The following UBE2L3 variants were observed in gnomAD, a reference collection of about 807,000 sequenced individuals.
The protein encoded by UBE2L3 is ubiquitin-conjugating enzyme E2 L3.
A neutral mutation model predicts 17.8 loss-of-function variants in UBE2L3; 1 was observed. The ratio of observed to expected loss-of-function variants is 0.06; its 90% confidence interval spans 0.02 to 0.27. The LOEUF (loss-of-function observed/expected upper bound fraction) is 0.27, where lower values mean the gene tolerates loss of function less well. Ranked by LOEUF, UBE2L3 falls within the 10% of genes least tolerant of loss-of-function variation. The pLI is 1.00. For missense variants in UBE2L3, 40 were observed against 192.6 expected, an observed-to-expected ratio of 0.21 and a Z score of 4.69; for synonymous variants, 44 against 68.5, an observed-to-expected ratio of 0.64 and a Z score of 1.76.
chr22:21,598,195 A>AGTGTGTGTGTGTGTGTG (rs1928656251), intron 2 of UBE2L3, among the ~76,000 whole-genome samples: 4 of 148,394 alleles, frequency 2.7e-5, no homozygotes, highest in African/African-American at 9.8e-5. Context: ...GGTTTCATTA[A>AGTGTGTGTGTGTGTGTG]TGTGTGTGTG....
In UBE2L3 at chr22:21,573,069, C is replaced by T. The variant is rs114201349; in HGVS notation, c.27+5298C>T. ...TGTGGTAGACACCTGCATCGAGCTCCTTAATGGTTCATCTAAACTCCTTAC... is the reference window on the plus strand; with the variant it reads ...TGTGGTAGACACCTGCATCGAGCTCTTTAATGGTTCATCTAAACTCCTTAC... On this transcript the variant is annotated intron_variant, in intron 1 of 3. Transcript: ENST00000342192. 3.0e-3 allele frequency among the ~76,000 whole-genome samples: 462 copies of T among 152,264 alleles called. 3 individuals are homozygous for T. Among genetic ancestry groups the T allele is most frequent in the African/African-American group, 0.01 (421 of 41,540 alleles).
At chr22:21,583,236 C>A (rs1927744696) in intron 1 of UBE2L3, among the ~76,000 whole-genome samples, 1 of 152,196 alleles carries the variant, frequency 6.6e-6, no homozygotes, top group Admixed American at 6.5e-5. Context: ...TCTTTCAAGG[C>A]CCATCTCAGA....
chr22:21,622,476 G>A lies in UBE2L3; in HGVS notation c.*807G>A, dbSNP rs1297165986. 1 of 152,814 alleles carries A rather than the reference G, an allele frequency of 6.5e-6. No homozygotes were observed. The highest frequency in any genetic ancestry group is 1.5e-5 in the Non-Finnish European group (1 of 68,074). The allele number at this position is 152,814 out of a possible 1,614,324, so 9.5% of individuals were successfully genotyped here. A position where few individuals can be genotyped will look rare whatever the true frequency, so the allele number is the denominator to read the frequency against. On this transcript the variant is annotated 3_prime_UTR_variant, in exon 4 of 4. Coordinates refer to ENST00000342192, the MANE Select transcript of UBE2L3 (RefSeq NM_003347.4). Reference sequence around the variant, plus strand: ...TGTGTGTGATGAATCTCGCCAGAAAGGCTCCTGAGGTCCCAGGTTGGCACT... The same window carrying A: ...TGTGTGTGATGAATCTCGCCAGAAAAGCTCCTGAGGTCCCAGGTTGGCACT...
chr22:21,594,481 G>A (rs2148424263), intron 2 of UBE2L3, among the ~76,000 whole-genome samples: 1 of 149,612 alleles, frequency 6.7e-6, no homozygotes, highest in Non-Finnish European at 1.5e-5. Flanking sequence ...TCCTGTAGAT[G>A]CTTTCTTCTT....
At chr22:21,566,738 C>T (rs921573956), upstream of UBE2L3, among the ~76,000 whole-genome samples, 3 of 152,084 alleles carry the variant, frequency 2.0e-5, no homozygotes, top group African/African-American at 7.2e-5. Context: ...TCCTTTTACT[C>T]CATTCTGGAC....
Position 21,582,343 on chromosome 22 carries a change from G to GT in UBE2L3, c.28-10509dup, listed in dbSNP as rs965100126. Among the ~76,000 whole-genome samples the GT allele has an allele frequency of 2.9e-4, 43 of 147,890 alleles. No individual in the cohort carries two copies. The East Asian group carries it at 4.4e-3, about 15-fold the overall frequency. On this transcript the variant is annotated intron_variant, in intron 1 of 3. Coordinates refer to ENST00000342192, the MANE Select transcript of UBE2L3 (RefSeq NM_003347.4). ...AAACTGGGTGGTATGAATGTGGTGG[G>GT]TTTTTTTTTGTTGTTGTTTTTTTTT... is the stretch of plus-strand genomic sequence containing the variant.
At chr22:21,618,774 T>C (rs1929909593) in intron 3 of UBE2L3, among the ~76,000 whole-genome samples, 1 of 152,068 alleles carries the variant, frequency 6.6e-6, no homozygotes, top group Non-Finnish European at 1.5e-5. Flanking sequence ...TTATTTTTTG[T>C]AGAGGCCAGG....
At chr22:21,607,371 C>G (rs189886615) in intron 2 of UBE2L3, among the ~76,000 whole-genome samples, 1 of 151,106 alleles carries the variant, frequency 6.6e-6, no homozygotes, top group Non-Finnish European at 1.5e-5. Flanking sequence ...AAAAATTAGT[C>G]GGGCAGGGTA....
upstream of UBE2L3, among the ~76,000 whole-genome samples, chr22:21,566,962 T>C (rs1926660955): frequency 6.6e-6 from 1 of 152,068 alleles, no homozygotes; most frequent in South Asian, 2.1e-4. Flanking sequence ...TATTGTGAAA[T>C]GAGGATGTTA....
At chr22:21,559,441 T>C (rs530247846) in intron 1 of UBE2L3, among the ~76,000 whole-genome samples, 39 of 152,036 alleles carry the variant, frequency 2.6e-4, no homozygotes, top group African/African-American at 8.0e-4. Flanking sequence ...AGGGCTCAGT[T>C]TGGGGGAGAA....
intron 1 of UBE2L3, among the ~76,000 whole-genome samples, chr22:21,577,104 G>A (rs1165755844): frequency 2.0e-5 from 3 of 151,936 alleles, no homozygotes; most frequent in African/African-American, 7.3e-5. Flanking sequence ...GAGTAGCTGG[G>A]ACTACAGGCG....
At chr22:21,588,055 A>G (rs1367757353) in intron 1 of UBE2L3, among the ~76,000 whole-genome samples, 3 of 150,874 alleles carry the variant, frequency 2.0e-5, no homozygotes, top group African/African-American at 4.9e-5. Flanking sequence ...TTTCCCTTGA[A>G]CTCTCTCTTT....
At chr22:21,578,815 T>A (rs1044324246) in intron 1 of UBE2L3, among the ~76,000 whole-genome samples, 2 of 152,182 alleles carry the variant, frequency 1.3e-5, no homozygotes, top group Admixed American at 1.3e-4. Context: ...CTGTAACCTC[T>A]GAGAAGCACT....
intron 2 of UBE2L3, among the ~76,000 whole-genome samples, chr22:21,610,575 G>C (rs1451730358): frequency 6.6e-6 from 1 of 152,150 alleles, no homozygotes; most frequent in Non-Finnish European, 1.5e-5. Flanking sequence ...TTTCCTCTCA[G>C]TTTTGCTGTA....
Position 21,605,256 on chromosome 22 carries a change from C to T in UBE2L3, c.124-5601C>T, listed in dbSNP as rs111764619. On this transcript the variant is annotated intron_variant, in intron 2 of 3. Coordinates refer to ENST00000342192, the MANE Select transcript of UBE2L3 (RefSeq NM_003347.4). ...TCGCCTAGGCAGGAGTGCAGTGGTG[C>T]AGTCTTGGCTCACTGCAGCGGTGTG... 9.2e-3 allele frequency among the ~76,000 whole-genome samples: 1,405 copies of T among 152,290 alleles called. 27 individuals carry two copies. Among genetic ancestry groups the T allele is most frequent in the African/African-American group, 0.032 (1,350 of 41,566 alleles).
intron 1 of UBE2L3, among the ~76,000 whole-genome samples, chr22:21,552,718 TTC>T (rs1926114073): frequency 9.5e-5 from 1 of 10,486 alleles, no homozygotes; most frequent in Admixed American, 1.4e-3. Flanking sequence ...GCTCCAGATG[TTC>T]TTTTTTTTTT....
At chr22:21,616,335 G>C (rs1309397517) in intron 3 of UBE2L3, among the ~76,000 whole-genome samples, 1 of 152,162 alleles carries the variant, frequency 6.6e-6, no homozygotes, top group Non-Finnish European at 1.5e-5. Context: ...ACTACTGAGA[G>C]TGGGTTTTCT....
intron 1 of UBE2L3, 89 bp downstream of exon 1, chr22:21,567,860 G>A: frequency 1.3e-6 from 2 of 1,548,694 alleles, no homozygotes; most frequent in Non-Finnish European, 1.7e-6. Context: ...TCAGGGCGCT[G>A]CCGTCTGGCT....
upstream of UBE2L3, among the ~76,000 whole-genome samples, chr22:21,563,135 G>C (rs1253115485): frequency 6.6e-6 from 1 of 151,450 alleles, no homozygotes; most frequent in African/African-American, 2.4e-5. Context: ...CCAGCTACTC[G>C]GGAGGCTGGG....
Sources: gnomAD v4.1 joint callset for allele counts (sites outside exome capture counted in the v4.1 genomes callset) on GRCh38, gnomAD v4.1.1 for gene constraint, MANE v1.5 for transcripts, NCBI Gene and HGNC (gene_info 2026-07-23, HGNC 2026-07-21) for gene names.